SLC9A9: variants seen among roughly 807,000 people sequenced by gnomAD.
SLC9A9 encodes sodium/hydrogen exchanger 9.
Under a neutral mutation model 77.8 loss-of-function variants are expected in SLC9A9, and 62 were observed. The ratio of observed to expected loss-of-function variants is 0.80; its 90% confidence interval spans 0.65 to 0.98. The LOEUF is 0.98. Ranked by LOEUF, SLC9A9 falls within the 50% of genes least tolerant of loss-of-function variation. The pLI, the probability that SLC9A9 is intolerant of heterozygous loss-of-function variation, is 0.00. For synonymous variants in SLC9A9, 320 were observed against 283.5 expected (o/e 1.13, Z -1.29); for missense variants, 775 against 774.9 (o/e 1.00, Z 0.00).
chr3:143,412,275 TG>T (rs1219020610), intron 12 of SLC9A9, among the ~76,000 whole-genome samples: 10 of 152,106 alleles, frequency 6.6e-5, no homozygotes, highest in African/African-American at 2.4e-4. Flanking sequence ...ACCTCACTTT[TG>T]TTGGCCCCCG....
chr3:143,336,011 T>A (rs938125949), intron 14 of SLC9A9, among the ~76,000 whole-genome samples: 7 of 152,160 alleles, frequency 4.6e-5, no homozygotes, highest in African/African-American at 1.7e-4. Context: ...TGCAAACCAC[T>A]GATAATGGAG....
intron 14 of SLC9A9, among the ~76,000 whole-genome samples, chr3:143,357,895 G>T (rs1026639245): frequency 9.9e-5 from 15 of 152,066 alleles, no homozygotes; most frequent in Admixed American, 9.8e-4. Context: ...GGGAAAAACC[G>T]CAGTACAGGA....
intron 8 of SLC9A9, among the ~76,000 whole-genome samples, chr3:143,566,710 T>A (rs954485340): frequency 6.6e-6 from 1 of 152,058 alleles, no homozygotes; most frequent in Admixed American, 6.6e-5. Flanking sequence ...GCCCTAGGAA[T>A]CTAAAAATGG....
rs377185698 is a variant in SLC9A9 at position 143,727,682 on chromosome 3, T to G, written c.534-34375A>C. 1.2e-4 allele frequency among the ~76,000 whole-genome samples: 18 copies of G among 152,304 alleles called. No homozygotes were observed. The East Asian group carries it at 1.5e-3, about 13-fold the overall frequency. The stretch of plus-strand genomic sequence containing the variant: ...AACAAAGTAAATCTTGGCTTCAAGT[T>G]TGAATAGCAAAGAAAAAAGACAGCT... On this transcript the variant is annotated intron_variant, in intron 4 of 15. Coordinates refer to ENST00000316549, the MANE Select transcript of SLC9A9 (RefSeq NM_173653.4).
At chr3:143,815,559 A>G (rs1219336751) in intron 2 of SLC9A9, among the ~76,000 whole-genome samples, 1 of 151,754 alleles carries the variant, frequency 6.6e-6, no homozygotes, top group Non-Finnish European at 1.5e-5. Context: ...AAAAAAAAAA[A>G]GGTTTAAAAC....
intron 4 of SLC9A9, among the ~76,000 whole-genome samples, chr3:143,714,674 C>T (rs563879174): frequency 6.6e-6 from 1 of 152,356 alleles, no homozygotes; most frequent in South Asian, 2.1e-4. Context: ...GATCCATTCT[C>T]CACCCTTTCC....
chr3:143,341,109 T>C lies in SLC9A9; in HGVS notation c.1604+22375A>G, dbSNP rs117530134. Among the ~76,000 whole-genome samples, 12 of 152,334 alleles carry C rather than the reference T, an allele frequency of 7.9e-5. No individual in the cohort carries two copies. In the East Asian group the frequency reaches 1.2e-3, roughly 15 times the overall value. ...CTGTCCAAATGTCTTTTGGCACTTA[T>C]GTGGAATATGATGAATTCCTTTCGC... On this transcript the variant is annotated intron_variant, in intron 14 of 15. Coordinates refer to ENST00000316549, the MANE Select transcript of SLC9A9 (RefSeq NM_173653.4).
At chr3:143,608,871 G>A (rs538158708) in intron 6 of SLC9A9, among the ~76,000 whole-genome samples, 154 of 152,232 alleles carry the variant, frequency 1.0e-3, no homozygotes, top group African/African-American at 3.6e-3. Context: ...CTTTTAAAAA[G>A]AGTTCTAAAG....
chr3:143,410,477 T>C (rs2034076229), intron 12 of SLC9A9, among the ~76,000 whole-genome samples: 1 of 152,208 alleles, frequency 6.6e-6, no homozygotes, highest in South Asian at 2.1e-4. Context: ...AAATTCTTAC[T>C]CATCTTCGAC....
chr3:143,722,195 C>T (rs993005388), intron 4 of SLC9A9, among the ~76,000 whole-genome samples: 6 of 152,064 alleles, frequency 3.9e-5, no homozygotes, highest in African/African-American at 9.7e-5. Flanking sequence ...CATCATTGGC[C>T]GGGCGCGGTG....
chr3:143,687,927 G>A (rs1933326276), intron 5 of SLC9A9, among the ~76,000 whole-genome samples: 1 of 151,972 alleles, frequency 6.6e-6, no homozygotes, highest in Non-Finnish European at 1.5e-5. Flanking sequence ...GTCCACTCAG[G>A]TGTTTGATAC....
intron 4 of SLC9A9, among the ~76,000 whole-genome samples, chr3:143,734,990 T>C (rs914817780): frequency 1.3e-5 from 2 of 152,200 alleles, no homozygotes; most frequent in Admixed American, 6.5e-5. Context: ...ATTGATTCAA[T>C]CTGGCCACAG....
chr3:143,345,844 G>A (rs2032254489), intron 14 of SLC9A9, among the ~76,000 whole-genome samples: 1 of 152,078 alleles, frequency 6.6e-6, no homozygotes, highest in Non-Finnish European at 1.5e-5. Flanking sequence ...TATGGAAATA[G>A]TGGAGAATGG....
At chr3:143,818,810 G>A (rs375067458) in intron 2 of SLC9A9, among the ~76,000 whole-genome samples, 10 of 152,000 alleles carry the variant, frequency 6.6e-5, no homozygotes, top group Admixed American at 1.3e-4. Context: ...GGCCAGGCGC[G>A]GTGGCTCATG....
intron 9 of SLC9A9, chr3:143,518,155 G>A (rs564549094): frequency 7.5e-6 from 12 of 1,600,182 alleles, no homozygotes; most frequent in South Asian, 2.2e-5. Flanking sequence ...GCATTTCCTC[G>A]GTGTGCAGAA....
rs543311301 is a variant in SLC9A9, at chr3:143,366,636, T to G, written c.1525-3073A>C. Among the ~76,000 whole-genome samples, 204 of 152,310 alleles carry G rather than the reference T, an allele frequency of 1.3e-3. 1 individual carries two copies. Among genetic ancestry groups the G allele is most frequent in the Non-Finnish European group, 2.1e-3 (145 of 68,014 alleles). On this transcript the variant is annotated intron_variant, in intron 13 of 15. Transcript: ENST00000316549. Reference sequence around the variant, plus strand: ...ACAGTAATAGCTATACTTGAACACTTGCCATATGCCAGACACTATTCTAAG... The same window carrying G: ...ACAGTAATAGCTATACTTGAACACTGGCCATATGCCAGACACTATTCTAAG...
chr3:143,733,789 G>C (rs1374922375), intron 4 of SLC9A9, among the ~76,000 whole-genome samples: 1 of 152,084 alleles, frequency 6.6e-6, no homozygotes, highest in Non-Finnish European at 1.5e-5. Flanking sequence ...AGGACAATGA[G>C]AGAGCACATG....
At chr3:143,334,391 G>A (rs779570543) in intron 14 of SLC9A9, among the ~76,000 whole-genome samples, 7 of 152,228 alleles carry the variant, frequency 4.6e-5, no homozygotes, top group Admixed American at 6.5e-5. Context: ...ATGCTGAAAA[G>A]TGATAGATAC....
At chr3:143,273,696 T>C (rs972896880) in intron 14 of SLC9A9, among the ~76,000 whole-genome samples, 1 of 152,244 alleles carries the variant, frequency 6.6e-6, no homozygotes, top group African/African-American at 2.4e-5. Context: ...TATTTTTCTC[T>C]GAACTTGCCT....
Sources: gnomAD v4.1 joint callset for allele counts (sites outside exome capture counted in the v4.1 genomes callset) on GRCh38, gnomAD v4.1.1 for gene constraint, MANE v1.5 for transcripts, NCBI Gene and HGNC (gene_info 2026-07-23, HGNC 2026-07-21) for gene names.